Variants in UNC79 observed in about 807,000 individuals in gnomAD.
The protein encoded by UNC79 is protein unc-79 homolog.
UNC79 carries 37 observed loss-of-function variants against 283.1 expected under a neutral mutation model. The ratio of observed to expected loss-of-function variants is 0.13; its 90% confidence interval spans 0.10 to 0.17. The LOEUF (loss-of-function observed/expected upper bound fraction) is 0.17, where lower values mean the gene tolerates loss of function less well. UNC79 is among the 10% of genes least tolerant of loss of function. The pLI, the probability that UNC79 is intolerant of heterozygous loss-of-function variation, is 1.00. For synonymous variants in UNC79, 1,107 were observed against 1,200.2 expected, an observed-to-expected ratio of 0.92 and a Z score of 1.61; for missense variants, 2,272 against 3,211.1, an observed-to-expected ratio of 0.71 and a Z score of 7.07.
intron 29 of UNC79, among the ~76,000 whole-genome samples, chr14:93,618,903 C>T (rs1200920231): frequency 6.6e-6 from 1 of 152,130 alleles, no homozygotes; most frequent in Non-Finnish European, 1.5e-5. Flanking sequence ...CTAAAAGGGG[C>T]AGTAGAATGC....
chr14:93,460,327 G>A (rs1342926107), intron 1 of UNC79, among the ~76,000 whole-genome samples: 1 of 151,330 alleles, frequency 6.6e-6, no homozygotes, highest in African/African-American at 2.4e-5. Flanking sequence ...GACCAACATG[G>A]TGAAACCCTG....
At chr14:93,629,979 A>G (rs1025180056) in intron 30 of UNC79, among the ~76,000 whole-genome samples, 13 of 152,234 alleles carry the variant, frequency 8.5e-5, no homozygotes, top group African/African-American at 2.9e-4. Flanking sequence ...TTTGAAAAAT[A>G]ATTTGTAGTT....
chr14:93,497,005 C>T lies in UNC79; in HGVS notation c.769-152C>T, dbSNP rs1163653670. Reference sequence around the variant, plus strand: ...TGAAAATATAATGTTTTGACGTGATCTAATCTATGAAACATGTCTGCATGA... The same window carrying T: ...TGAAAATATAATGTTTTGACGTGATTTAATCTATGAAACATGTCTGCATGA... On this transcript the variant is annotated intron_variant, in intron 6 of 48. Coordinates refer to ENST00000555664, the Ensembl canonical transcript of UNC79. 4 of 784,786 alleles carry T rather than the reference C, an allele frequency of 5.1e-6. No individual in the cohort carries two copies. The African/African-American group carries it at 7.0e-5, about 14-fold the overall frequency. 48.6% of individuals were successfully genotyped at this position (784,786 alleles called of 1,614,324 possible).
chr14:93,673,262 C>T (rs996053836), intron 40 of UNC79, 89 bp from the exon 44 acceptor site: 1 of 1,093,572 alleles, frequency 9.1e-7, no homozygotes, highest in South Asian at 1.6e-5. Context: ...TATTTCTGAC[C>T]CGTGAATTTT....
chr14:93,498,084 C>T (rs1425449587), intron 7 of UNC79, among the ~76,000 whole-genome samples: 1 of 151,764 alleles, frequency 6.6e-6, no homozygotes, highest in Non-Finnish European at 1.5e-5. Context: ...CGCCTGAGGT[C>T]CAGAGTTTGA....
chr14:93,564,945 C>T (rs955485533), intron 14 of UNC79, among the ~76,000 whole-genome samples: 2 of 152,182 alleles, frequency 1.3e-5, no homozygotes, highest in African/African-American at 4.8e-5. Context: ...GTTACGATGG[C>T]TTAGCTTAGG....
chr14:93,506,240 G>C (rs1300289558), intron 7 of UNC79, among the ~76,000 whole-genome samples: 1 of 115,754 alleles, frequency 8.6e-6, no homozygotes, highest in Non-Finnish European at 1.7e-5. Flanking sequence ...TTTTTTTTTT[G>C]AGATGTAGTT....
intron 10 of UNC79, among the ~76,000 whole-genome samples, chr14:93,530,389 G>A (rs1389719661): frequency 1.3e-5 from 2 of 151,508 alleles, no homozygotes; most frequent in Non-Finnish European, 2.9e-5. Context: ...TGGGCAACGT[G>A]GTGAAACTCT....
intron 1 of UNC79, among the ~76,000 whole-genome samples, chr14:93,346,102 C>T (rs1223515973): frequency 2.0e-5 from 3 of 151,768 alleles, no homozygotes; most frequent in East Asian, 3.9e-4. Context: ...ATTTTGATTT[C>T]CAAGGACTGA....
At chr14:93,579,518 C>T (rs1444023368) in intron 18 of UNC79, among the ~76,000 whole-genome samples, 1 of 152,142 alleles carries the variant, frequency 6.6e-6, no homozygotes, top group African/African-American at 2.4e-5. Flanking sequence ...ATCTACTCAT[C>T]CCGCAGTGCC....
At chr14:93,361,510 C>CAA (rs35635849) in intron 1 of UNC79, among the ~76,000 whole-genome samples, 2 of 138,688 alleles carry the variant, frequency 1.4e-5, no homozygotes, top group African/African-American at 5.3e-5. Context: ...GACACTATCT[C>CAA]AAAAAAAAAA....
At chr14:93,656,912 G>C (rs1024632299) in intron 38 of UNC79, among the ~76,000 whole-genome samples, 12 of 152,150 alleles carry the variant, frequency 7.9e-5, no homozygotes, top group African/African-American at 2.9e-4. Context: ...TTACCTATTA[G>C]TAGCTCCACT....
At chr14:93,699,473 C>T (rs1375039437) in intron 47 of UNC79, among the ~76,000 whole-genome samples, 2 of 152,164 alleles carry the variant, frequency 1.3e-5, no homozygotes, top group Non-Finnish European at 1.5e-5. Context: ...GAGAGATTCT[C>T]ATTTCCATTC....
intron 41 of UNC79, among the ~76,000 whole-genome samples, chr14:93,674,831 C>T (rs1289268003): frequency 6.6e-6 from 1 of 152,194 alleles, no homozygotes; most frequent in African/African-American, 2.4e-5. Flanking sequence ...CCCAAGACCA[C>T]GGTGCTGGCC....
intron 18 of UNC79, 62 bp downstream of exon 18, chr14:93,578,125 C>A: frequency 6.8e-7 from 1 of 1,461,422 alleles, no homozygotes. Context: ...CGTTGTACAG[C>A]AATTCTTTCC....
At chr14:93,583,232 A>T (rs562372513) in intron 20 of UNC79, among the ~76,000 whole-genome samples, 10 of 151,906 alleles carry the variant, frequency 6.6e-5, no homozygotes, top group Non-Finnish European at 1.0e-4. Context: ...GAGGCAGGAG[A>T]ATCGCTTGAA....
chr14:93,581,725 C>CTCG (rs1455159343), intron 19 of UNC79, among the ~76,000 whole-genome samples: 1 of 151,952 alleles, frequency 6.6e-6, no homozygotes, highest in Non-Finnish European at 1.5e-5. Flanking sequence ...AATTCCCGAC[C>CTCG]TCGTGATCCG....
intron 20 of UNC79, among the ~76,000 whole-genome samples, chr14:93,585,763 T>A (rs1340288756): frequency 6.6e-6 from 1 of 152,106 alleles, no homozygotes; most frequent in Non-Finnish European, 1.5e-5. Flanking sequence ...AGGGTGAAAA[T>A]AATGAGTAGT....
chr14:93,635,418 T>G (rs934715159), intron 31 of UNC79, among the ~76,000 whole-genome samples: 17 of 152,220 alleles, frequency 1.1e-4, no homozygotes, highest in African/African-American at 3.4e-4. Flanking sequence ...AAGGGCTTAT[T>G]ATGGTGATAT....
Sources: gnomAD v4.1 joint callset for allele counts (sites outside exome capture counted in the v4.1 genomes callset) on GRCh38, gnomAD v4.1.1 for gene constraint, MANE v1.5 for transcripts, NCBI Gene and HGNC (gene_info 2026-07-23, HGNC 2026-07-21) for gene names.